RFC3: variants seen among roughly 807,000 people sequenced by gnomAD.
RFC3 encodes replication factor C subunit 3.
Under a neutral mutation model 45.1 loss-of-function variants are expected in RFC3, and 41 were observed. That is an observed-to-expected ratio of 0.91 (90% CI 0.71 to 1.18). The LOEUF is 1.18. RFC3 is among the 50% of genes most tolerant of loss of function. RFC3 has a pLI of 0.00. For missense variants in RFC3, 423 were observed against 428.1 expected, an observed-to-expected ratio of 0.99 and a Z score of 0.10; for synonymous variants, 149 against 144.0, an observed-to-expected ratio of 1.03 and a Z score of -0.25.
chr13:33,828,688 G>A (rs1319936384), intron 4 of RFC3, among the ~76,000 whole-genome samples: 1 of 152,092 alleles, frequency 6.6e-6, no homozygotes, highest in Non-Finnish European at 1.5e-5. Context: ...CACCATGCCC[G>A]GCAATGTTTT....
chr13:33,902,061 G>C (rs2082645042), intron 8 of RFC3, among the ~76,000 whole-genome samples: 1 of 152,036 alleles, frequency 6.6e-6, no homozygotes, highest in Non-Finnish European at 1.5e-5. Context: ...AGCTGTGATG[G>C]TGGAATAACA....
intron 8 of RFC3, among the ~76,000 whole-genome samples, chr13:33,962,108 G>A (rs1303974546): frequency 6.6e-6 from 1 of 152,170 alleles, no homozygotes; most frequent in Non-Finnish European, 1.5e-5. Context: ...GCAAGAGCTT[G>A]CAGAGGCAGG....
chr13:33,953,325 A>C (rs1391052684), intron 8 of RFC3, among the ~76,000 whole-genome samples: 2 of 328 alleles, frequency 6.1e-3, no homozygotes, highest in Admixed American at 0.2. Flanking sequence ...GTTGCTCTTT[A>C]AAAAAAAAAA....
At chr13:33,884,051 A>ATATGGC (rs1449023478) in intron 8 of RFC3, among the ~76,000 whole-genome samples, 1 of 152,232 alleles carries the variant, frequency 6.6e-6, no homozygotes, top group African/African-American at 2.4e-5. Flanking sequence ...CAGAAAGCTC[A>ATATGGC]ACTGTGTATC....
intron 8 of RFC3, among the ~76,000 whole-genome samples, chr13:33,900,121 T>A (rs1407417484): frequency 6.6e-6 from 1 of 151,926 alleles, no homozygotes; most frequent in Non-Finnish European, 1.5e-5. Context: ...ATGTACAGAA[T>A]CAATGCAATC....
At chr13:33,967,376 A>AACACTACT (rs1208798297), downstream of RFC3, among the ~76,000 whole-genome samples, 2 of 152,128 alleles carry the variant, frequency 1.3e-5, no homozygotes, top group African/African-American at 4.8e-5. Flanking sequence ...TTGTTTAAGA[A>AACACTACT]ACACTACTAT....
Position 33,836,620 on chromosome 13 carries a change from A to G in RFC3, c.*325A>G. ...CTCTCACCTGCTAAAGGAGATTTAC[A>G]CATTAGAAAGCAAAGATTATTTTCA... On this transcript the variant is annotated 3_prime_UTR_variant, in exon 9 of 9. Transcript: ENST00000380071. 2.0e-6 allele frequency: 2 copies of G among 1,014,456 alleles called. No homozygotes were observed. The highest frequency in any genetic ancestry group is 4.5e-5 in the South Asian group (1 of 22,014). The allele number at this position is 1,014,456 out of a possible 1,614,324, so 62.8% of individuals were successfully genotyped here.
intron 8 of RFC3, among the ~76,000 whole-genome samples, chr13:33,880,348 G>A (rs919142847): frequency 2.0e-5 from 3 of 152,144 alleles, no homozygotes; most frequent in Admixed American, 1.3e-4. Context: ...TGGATGTAAG[G>A]TGCCCATTGA....
downstream of RFC3, among the ~76,000 whole-genome samples, chr13:33,968,361 C>G (rs1445059767): frequency 6.6e-6 from 1 of 152,178 alleles, no homozygotes; most frequent in Non-Finnish European, 1.5e-5. Context: ...CTCCCGACCT[C>G]AAGTGATCCT....
At chr13:33,860,965 G>A (rs2082337410) in intron 8 of RFC3, among the ~76,000 whole-genome samples, 1 of 151,788 alleles carries the variant, frequency 6.6e-6, no homozygotes, top group Non-Finnish European at 1.5e-5. Context: ...GCAGTGGTAT[G>A]ATCCTAGCTC....
At chr13:33,972,697 C>G in the RFC3 span, among the ~76,000 whole-genome samples, 1 of 152,166 alleles carries the variant, frequency 6.6e-6, no homozygotes, top group Admixed American at 6.5e-5. Flanking sequence ...AATATTAGCT[C>G]TACTTAGTAC....
At chr13:33,865,050 G>T (rs2082364561) in intron 8 of RFC3, among the ~76,000 whole-genome samples, 1 of 152,092 alleles carries the variant, frequency 6.6e-6, no homozygotes, top group African/African-American at 2.4e-5. Context: ...GAATAGTGAG[G>T]AACAGTCAGA....
chr13:33,850,697 AC>A (rs1238009374), intron 8 of RFC3: 1 of 152,190 alleles, frequency 6.6e-6, no homozygotes, highest in Non-Finnish European at 1.5e-5. Flanking sequence ...TTTTGAAAAT[AC>A]AGTTAACTTA....
chr13:33,924,705 ATGTGTGTG>A (rs34618705), intron 8 of RFC3, among the ~76,000 whole-genome samples: 9 of 139,844 alleles, frequency 6.4e-5, no homozygotes, highest in African/African-American at 2.1e-4. Context: ...CATTGTGTGT[ATGTGTGTG>A]TGTGTGTGTG....
intron 8 of RFC3, among the ~76,000 whole-genome samples, chr13:33,892,463 G>A (rs2082569699): frequency 6.6e-6 from 1 of 152,108 alleles, no homozygotes; most frequent in South Asian, 2.1e-4. Context: ...CCAAAGCTGG[G>A]TATTGGTGCC....
At chr13:33,873,246 C>T (rs189677495) in intron 8 of RFC3, among the ~76,000 whole-genome samples, 11 of 152,256 alleles carry the variant, frequency 7.2e-5, no homozygotes, top group Admixed American at 2.0e-4. Flanking sequence ...AACAAATGTT[C>T]GAGCAACCCT....
At chr13:33,825,153 C>A (rs2082037476) in intron 3 of RFC3, among the ~76,000 whole-genome samples, 1 of 152,142 alleles carries the variant, frequency 6.6e-6, no homozygotes, top group African/African-American at 2.4e-5. Context: ...AAATTGACTT[C>A]TCTTGGCTTG....
At chr13:33,976,327 A>G in the RFC3 span, among the ~76,000 whole-genome samples, 1 of 152,184 alleles carries the variant, frequency 6.6e-6, no homozygotes, top group African/African-American at 2.4e-5. Context: ...TAAGCCAGGT[A>G]CAAACAAATA....
intron 1 of RFC3, among the ~76,000 whole-genome samples, chr13:33,820,081 C>T (rs1478090620): frequency 6.6e-6 from 1 of 152,154 alleles, no homozygotes; most frequent in African/African-American, 2.4e-5. Flanking sequence ...ATTTACAGAA[C>T]TTCACCTTAC....
Sources: gnomAD v4.1 joint callset for allele counts (sites outside exome capture counted in the v4.1 genomes callset) on GRCh38, gnomAD v4.1.1 for gene constraint, MANE v1.5 for transcripts, NCBI Gene and HGNC (gene_info 2026-07-23, HGNC 2026-07-21) for gene names.